SYNE2: variants seen among roughly 807,000 people sequenced by gnomAD.
SYNE2 encodes the protein nesprin-2.
Under a neutral mutation model 856.3 loss-of-function variants are expected in SYNE2, and 431 were observed. The observed-to-expected ratio is 0.50, with a 90% CI of 0.47 to 0.55. The LOEUF is 0.55. SYNE2 is among the 20% of genes least tolerant of loss of function. The probability of loss-of-function intolerance (pLI) is 0.00; values close to 1 mark genes in which losing one functional copy is unlikely to be tolerated. For synonymous variants in SYNE2, 2,923 were observed against 2,872.3 expected (o/e 1.02, Z -0.56); for missense variants, 8,129 against 8,023.2 (o/e 1.01, Z -0.50).
At position 63,993,859 on chromosome 14, in the gene SYNE2, A is replaced by C; in HGVS notation, c.2671A>C (p.Lys891Gln). The change falls in exon 22 of 116, where the codon AAA becomes CAA. Residue 891 changes from lysine to glutamine, a missense_variant. Coordinates refer to ENST00000555002, the MANE Select transcript of SYNE2 (RefSeq NM_182914.3). ...HKEALIISNT[K>Q]SLAKYLKAVE... ...GGAAGCACTAATAATTTCTAATACAAAAAGTCTGGCCAAGTATTTGAAAGC... is the reference window on the plus strand; with the variant it reads ...GGAAGCACTAATAATTTCTAATACACAAAGTCTGGCCAAGTATTTGAAAGC... 6.2e-7 allele frequency: 1 copy of C among 1,610,150 alleles called. No individual in the cohort carries two copies. Among genetic ancestry groups the C allele is most frequent in the Non-Finnish European group, 8.5e-7 (1 of 1,178,348 alleles).
At chr14:64,050,208 G>A (rs2097214959) in intron 47 of SYNE2, among the ~76,000 whole-genome samples, 1 of 152,184 alleles carries the variant, frequency 6.6e-6, no homozygotes, top group South Asian at 2.1e-4. Flanking sequence ...TCATGTGGTA[G>A]CAGGAGAAGT....
intron 62 of SYNE2, chr14:64,098,472 C>T (rs560200401): frequency 8.5e-6 from 5 of 585,444 alleles, no homozygotes; most frequent in Middle Eastern, 4.6e-4. Flanking sequence ...GGGCCCAGTG[C>T]CTAAGTCTTC....
Position 64,025,127 on chromosome 14 carries a change from C to T in SYNE2, c.5961-3C>T. Reference sequence around the variant, plus strand: ...AACTTTAAGTGGTATTTGGAATTTACAGGGAACAGTTTGAATCTGTGGCCC... The same window carrying T: ...AACTTTAAGTGGTATTTGGAATTTATAGGGAACAGTTTGAATCTGTGGCCC... On this transcript the variant is annotated splice_polypyrimidine_tract_variant and splice_region_variant and intron_variant, in intron 40 of 115. Coordinates refer to ENST00000555002, the MANE Select transcript of SYNE2 (RefSeq NM_182914.3). 6.2e-7 allele frequency: 1 copy of T among 1,614,004 alleles called. No individual in the cohort carries two copies. The highest frequency in any genetic ancestry group is 8.5e-7 in the Non-Finnish European group (1 of 1,179,952).
intron 21 of SYNE2, 147 bp downstream of exon 21, chr14:63,991,262 G>C (rs2096664285): frequency 1.2e-6 from 1 of 865,174 alleles, no homozygotes; most frequent in Non-Finnish European, 1.8e-6. Flanking sequence ...GTTCCCCTGA[G>C]GTTATTAAAC....
At chr14:63,873,049 G>A (rs79864379) in intron 1 of SYNE2, among the ~76,000 whole-genome samples, 3 of 151,942 alleles carry the variant, frequency 2.0e-5, no homozygotes, top group East Asian at 1.9e-4. Flanking sequence ...TGTCTTTTTC[G>A]TTTTGATTTG....
At chr14:63,816,262 A>T (rs552536891) in intron 1 of SYNE2, among the ~76,000 whole-genome samples, 1 of 152,056 alleles carries the variant, frequency 6.6e-6, no homozygotes, top group African/African-American at 2.4e-5. Flanking sequence ...TATTATTATT[A>T]CCATATAGAG....
chr14:64,103,499 A>G (rs1595541659), intron 64 of SYNE2, among the ~76,000 whole-genome samples: 1 of 152,142 alleles, frequency 6.6e-6, no homozygotes. Flanking sequence ...TGTGAAAACT[A>G]CGTGCTTCCT....
intron 1 of SYNE2, among the ~76,000 whole-genome samples, chr14:63,762,391 T>TGC (rs1886516864): frequency 1.4e-5 from 2 of 143,340 alleles, no homozygotes; most frequent in Non-Finnish European, 3.0e-5. Flanking sequence ...GCTGAGACCG[T>TGC]GCCATTGCAC....
chr14:63,856,801 T>C (rs1257854151), intron 1 of SYNE2, among the ~76,000 whole-genome samples: 1 of 152,174 alleles, frequency 6.6e-6, no homozygotes, highest in South Asian at 2.1e-4. Context: ...AGACAAGGTC[T>C]CGTTCTATCA....
chr14:63,881,451 C>T (rs2140651037), intron 1 of SYNE2, among the ~76,000 whole-genome samples: 1 of 151,896 alleles, frequency 6.6e-6, no homozygotes, highest in African/African-American at 2.4e-5. Context: ...GAGTTTGAGA[C>T]CAGCCTAGGC....
At chr14:63,807,601 C>T (rs935501013) in intron 1 of SYNE2, among the ~76,000 whole-genome samples, 22 of 150,062 alleles carry the variant, frequency 1.5e-4, no homozygotes, top group South Asian at 4.2e-4. Context: ...TTTCTCTCTG[C>T]GCAATGACAA....
At chr14:63,907,940 C>G (rs1032812653) in intron 1 of SYNE2, among the ~76,000 whole-genome samples, 31 of 152,198 alleles carry the variant, frequency 2.0e-4, no homozygotes, top group African/African-American at 7.0e-4. Context: ...AATTTGGTAG[C>G]TGAAATCTTT....
At chr14:64,116,947 T>G (rs1331744104) in intron 66 of SYNE2, among the ~76,000 whole-genome samples, 2 of 152,202 alleles carry the variant, frequency 1.3e-5, no homozygotes, top group Non-Finnish European at 2.9e-5. Context: ...CATAAAATTA[T>G]GCTACATTTT....
Position 64,177,308 on chromosome 14 carries a change from T to C in SYNE2, c.17431-50T>C, listed in dbSNP as rs779159476. Reference sequence around the variant, plus strand: ...AAATGAGCTATTCTATTTCTACAATTCATTCTAAAGAGCAAAATACTTACC... The same window carrying C: ...AAATGAGCTATTCTATTTCTACAATCCATTCTAAAGAGCAAAATACTTACC... On this transcript the variant is annotated intron_variant, in intron 95 of 115. Transcript: ENST00000555002. 1.9e-6 allele frequency: 3 copies of C among 1,609,886 alleles called. No individual in the cohort carries two copies. In the South Asian group the frequency reaches 3.3e-5, roughly 18 times the overall value.
intron 64 of SYNE2, among the ~76,000 whole-genome samples, chr14:64,105,592 A>T (rs1376121451): frequency 2.0e-5 from 3 of 152,236 alleles, no homozygotes; most frequent in Non-Finnish European, 2.9e-5. Flanking sequence ...CAAGTAGAGC[A>T]ATCAAGGTTG....
At chr14:64,206,245 G>A (rs1331902581) in intron 100 of SYNE2, among the ~76,000 whole-genome samples, 1 of 152,324 alleles carries the variant, frequency 6.6e-6, no homozygotes, top group African/African-American at 2.4e-5. Context: ...ATGAACAGGA[G>A]CCTGTTAGAA....
Position 64,134,259 on chromosome 14 carries a change from T to C in SYNE2, c.14646+59T>C, listed in dbSNP as rs2098059586. 2.0e-5 allele frequency: 31 copies of C among 1,571,780 alleles called. 1 individual carries two copies. In the South Asian group the frequency reaches 2.4e-4, roughly 12 times the overall value. On this transcript the variant is annotated intron_variant, in intron 78 of 115. Coordinates refer to ENST00000555002, the MANE Select transcript of SYNE2 (RefSeq NM_182914.3). ...GTCCATAGCACTTTGTGTTTTACATTTGTTTTGACTAAGTGGCTTGATTTG... is the reference window on the plus strand; with the variant it reads ...GTCCATAGCACTTTGTGTTTTACATCTGTTTTGACTAAGTGGCTTGATTTG...
At position 64,078,648 on chromosome 14, in the gene SYNE2, G is replaced by A. The variant is rs778589784; in HGVS notation, c.11163+42G>A. On this transcript the variant is annotated intron_variant, in intron 55 of 115. Transcript: ENST00000555002. ...ACTCCCTTCAGCATTTGGTACTTCT[G>A]ACCCACTCCTGCCTTGTTCATCAGT... The A allele has an allele frequency of 4.5e-5, 72 of 1,608,770 alleles. 1 individual carries two copies. The highest frequency in any genetic ancestry group is 6.1e-5 in the Non-Finnish European group (72 of 1,177,572).
intron 1 of SYNE2, among the ~76,000 whole-genome samples, chr14:63,867,763 C>T (rs1895810302): frequency 6.6e-6 from 1 of 151,078 alleles, no homozygotes; most frequent in Non-Finnish European, 1.5e-5. Context: ...GAAAGCAAGC[C>T]AGCCAGCCAG....
Sources: gnomAD v4.1 joint callset for allele counts (sites outside exome capture counted in the v4.1 genomes callset) on GRCh38, gnomAD v4.1.1 for gene constraint, MANE v1.5 for transcripts, NCBI Gene and HGNC (gene_info 2026-07-23, HGNC 2026-07-21) for gene names.